CES4A: variants seen among roughly 807,000 people sequenced by gnomAD.
CES4A encodes carboxylesterase 6.
In CES4A, 48 loss-of-function variants were observed where a neutral mutation model predicts 65.4. That is an observed-to-expected ratio of 0.73 (90% confidence interval 0.58 to 0.93). The LOEUF (loss-of-function observed/expected upper bound fraction) is 0.93, where lower values mean the gene tolerates loss of function less well. CES4A is among the 40% of genes least tolerant of loss of function. The pLI, the probability that CES4A is intolerant of heterozygous loss-of-function variation, is 0.00. For missense variants in CES4A, 685 were observed against 728.5 expected (o/e 0.94, Z 0.69); for synonymous variants, 247 against 281.8 (o/e 0.88, Z 1.24).
intron 2 of CES4A, among the ~76,000 whole-genome samples, chr16:66,997,832 G>A (rs558731443): frequency 1.3e-5 from 2 of 152,042 alleles, no homozygotes; most frequent in African/African-American, 2.4e-5. Flanking sequence ...TTAGCTGGGC[G>A]CAGTGCCGTG....
At chr16:67,008,806 C>G (rs1965971689) in intron 13 of CES4A, 168 bp from the exon 14 acceptor site, 5 of 679,580 alleles carry the variant, frequency 7.4e-6, no homozygotes, top group Non-Finnish European at 1.3e-5. Context: ...GCCTGGAAGG[C>G]CCACCCCAAT....
chr16:66,997,579 T>G (rs1964954539), intron 2 of CES4A, among the ~76,000 whole-genome samples: 1 of 152,112 alleles, frequency 6.6e-6, no homozygotes, highest in South Asian at 2.1e-4. Context: ...GAGGAATCAC[T>G]GATAATGACT....
chr16:67,006,403 C>T, exon 12 of CES4A: 1 of 1,536,586 alleles, frequency 6.5e-7, no homozygotes, highest in Non-Finnish European at 8.7e-7. Flanking sequence ...GCCGGCCTCC[C>T]TGTCTACCTG....
chr16:67,004,898 G>A (rs1271588395), intron 10 of CES4A, 25 bp downstream of exon 10: 4 of 1,518,356 alleles, frequency 2.6e-6, no homozygotes, highest in Non-Finnish European at 3.5e-6. Flanking sequence ...TGGCAGGGGT[G>A]CTCAGTTCGG....
intron 13 of CES4A, chr16:67,007,075 G>A: frequency 4.2e-6 from 2 of 472,266 alleles, no homozygotes; most frequent in East Asian, 7.1e-5. Flanking sequence ...GCACTCTTTT[G>A]GGCCCAGCCC....
chr16:66,998,521 G>T lies in CES4A; in HGVS notation c.261-2117G>T, dbSNP rs188731888. Among the ~76,000 whole-genome samples the T allele has an allele frequency of 5.7e-4, 87 of 152,288 alleles. 1 individual carries two copies. Among genetic ancestry groups the T allele is most frequent in the African/African-American group, 2.0e-3 (84 of 41,546 alleles). Reference sequence around the variant, plus strand: ...CACTTGAGCCCAGGAGGTCAAGGCTGCAGTGAACTATGATCATGTCACTGC... The same window carrying T: ...CACTTGAGCCCAGGAGGTCAAGGCTTCAGTGAACTATGATCATGTCACTGC... On this transcript the variant is annotated intron_variant, in intron 2 of 13. Coordinates refer to ENST00000648724, the Ensembl canonical transcript of CES4A.
intron 11 of CES4A, chr16:67,005,763 C>T (rs1965707810): frequency 5.4e-6 from 1 of 185,348 alleles, no homozygotes; most frequent in Non-Finnish European, 1.1e-5. Context: ...GCAGGAGAAT[C>T]GCTTGAACCT....
intron 11 of CES4A, chr16:67,005,627 A>G (rs910136137): frequency 2.6e-5 from 12 of 461,812 alleles, no homozygotes; most frequent in African/African-American, 2.2e-4. Flanking sequence ...TGGGTGGATC[A>G]TTTGAGGCCA....
At chr16:67,005,943 C>T (rs893655599) in intron 11 of CES4A, 5 of 186,518 alleles carry the variant, frequency 2.7e-5, no homozygotes, top group Non-Finnish European at 5.6e-5. Flanking sequence ...CTGGGGTGGT[C>T]AGGGAAGGCT....
rs569426393 is a variant in CES4A, at chr16:66,988,662, G to A, written c.-111G>A. 2.4e-4 allele frequency: 360 copies of A among 1,531,470 alleles called. 2 individuals carry two copies. The African/African-American group carries it at 4.2e-3, about 18-fold the overall frequency. The allele number at this position is 1,531,470 out of a possible 1,614,324, so 94.9% of individuals were successfully genotyped here. Reference sequence around the variant, plus strand: ...CCCAGTACTTGCTGGCAGGGATTAAGAGCAGATAAAAGTGTGCTCACACAC... The same window carrying A: ...CCCAGTACTTGCTGGCAGGGATTAAAAGCAGATAAAAGTGTGCTCACACAC... On this transcript the variant is annotated 5_prime_UTR_variant, in exon 1 of 14. Transcript: ENST00000648724.
chr16:67,008,832 CTT>C (rs1487415734), intron 13 of CES4A, 140 bp from the exon 14 acceptor site: 5 of 821,048 alleles, frequency 6.1e-6, no homozygotes, highest in Non-Finnish European at 9.8e-6. Flanking sequence ...CTTTCCTACT[CTT>C]TATTAAAGTT....
At chr16:67,005,414 TG>T (rs1332819306) in intron 11 of CES4A, 21 bp downstream of exon 11, 14 of 1,609,678 alleles carry the variant, frequency 8.7e-6, no homozygotes, top group Non-Finnish European at 1.2e-5. Context: ...TCCCCAAGAG[TG>T]GCCACACTGG....
In CES4A at chr16:67,000,780, G is replaced by A; in HGVS notation, c.402+1G>A. The A allele has an allele frequency of 6.5e-7, 1 of 1,550,036 alleles. No homozygotes were observed. The highest frequency in any genetic ancestry group is 1.2e-5 in the South Asian group (1 of 84,098). On this transcript the variant is annotated splice_donor_variant, in intron 3 of 13. Transcript: ENST00000648724. LOFTEE classifies it high-confidence loss of function. This position sits in a 1 kb window ranked among gnomAD's most constrained non-coding sequence, Gnocchi z 4.2. The stretch of plus-strand genomic sequence containing the variant: ...CGCGCCCGGGGATCCCCAGCTGCCA[G>A]TGAGTGCCAGGTCTCCCGCGCCCGC...
At chr16:66,992,660 T>G (rs886753802) in intron 1 of CES4A, among the ~76,000 whole-genome samples, 1 of 152,174 alleles carries the variant, frequency 6.6e-6, no homozygotes. Flanking sequence ...TAGTTTGGGT[T>G]TTTGTTGTTT....
At position 67,001,149 on chromosome 16, in the gene CES4A, A is replaced by G. The variant is rs1435130473; in HGVS notation, c.536+159A>G. 5 of 1,359,678 alleles carry G rather than the reference A, an allele frequency of 3.7e-6. No individual in the cohort carries two copies. The highest frequency in any genetic ancestry group is 4.9e-6 in the Non-Finnish European group (5 of 1,017,532). The allele number at this position is 1,359,678 out of a possible 1,614,324, so 84.2% of individuals were successfully genotyped here. On this transcript the variant is annotated intron_variant, in intron 4 of 13. Transcript: ENST00000648724. The surrounding 1 kb of genome is among the most constrained non-coding windows in gnomAD (Gnocchi z 4.1). Reference sequence around the variant, plus strand: ...GTGGAAGGGGCGGGCGCTCCATACCATCTGGATGGGGCGAGCTAACTCCAA... The same window carrying G: ...GTGGAAGGGGCGGGCGCTCCATACCGTCTGGATGGGGCGAGCTAACTCCAA...
chr16:67,003,403 C>T lies in CES4A; in HGVS notation c.900+43C>T. 1 of 1,598,814 alleles carries T rather than the reference C, an allele frequency of 6.3e-7. No homozygotes were observed. The highest frequency in any genetic ancestry group is 1.3e-5 in the African/African-American group (1 of 74,736). On this transcript the variant is annotated intron_variant, in intron 7 of 13. Transcript: ENST00000648724. The surrounding 1 kb of genome is among the most constrained non-coding windows in gnomAD (Gnocchi z 4.2). Reference sequence around the variant, plus strand: ...GCTGCCTGACCTGGCTGCCTGAGGGCCATCCTCCTATCCTGGTACCCAGCC... The same window carrying T: ...GCTGCCTGACCTGGCTGCCTGAGGGTCATCCTCCTATCCTGGTACCCAGCC...
rs541980882 is a variant in CES4A at position 66,991,980 on chromosome 16, G to A, written c.58+3150G>A. 3.3e-5 allele frequency among the ~76,000 whole-genome samples: 5 copies of A among 152,264 alleles called. No homozygotes were observed. In the East Asian group the frequency reaches 9.6e-4, roughly 29 times the overall value. On this transcript the variant is annotated intron_variant, in intron 1 of 13. Transcript: ENST00000648724. ...AAAGAAAAAAAGAAAAAAATGAGGT[G>A]AGATAATTTAAAGTGTTTGGCAGAG...
rs559555496 is a variant in CES4A at position 67,000,038 on chromosome 16, C to T, written c.261-600C>T. On this transcript the variant is annotated intron_variant, in intron 2 of 13. Coordinates refer to ENST00000648724, the Ensembl canonical transcript of CES4A. This position sits in a 1 kb window ranked among gnomAD's most constrained non-coding sequence, Gnocchi z 4.2. ...GATGGAAAGGAGGGCCTGGGTACTC[C>T]GCGTATCTTAACTTTATCCTGAGGG... Among the ~76,000 whole-genome samples, 2 of 152,086 alleles carry T rather than the reference C, an allele frequency of 1.3e-5. No homozygotes were observed. Among genetic ancestry groups the T allele is most frequent in the African/African-American group, 4.8e-5 (2 of 41,378 alleles).
intron 13 of CES4A, chr16:67,008,663 G>C: frequency 4.1e-6 from 1 of 244,676 alleles, no homozygotes; most frequent in Non-Finnish European, 8.0e-6. Context: ...GCCTCCCAAA[G>C]TGCTGGGATT....
Sources: gnomAD v4.1 joint callset for allele counts (sites outside exome capture counted in the v4.1 genomes callset) on GRCh38, gnomAD v4.1.1 for gene constraint, Gnocchi (gnomAD v3.1) non-coding constraint, MANE v1.5 for transcripts, NCBI Gene and HGNC (gene_info 2026-07-23, HGNC 2026-07-21) for gene names.